Variants in BMP7 observed in about 807,000 individuals in gnomAD.
The protein encoded by BMP7 is bone morphogenetic protein 7.
BMP7 carries 12 observed loss-of-function variants against 41.2 expected under a neutral mutation model. The observed-to-expected ratio is 0.29, with a 90% confidence interval of 0.19 to 0.47. The LOEUF is 0.47. Among genes scored for constraint, BMP7 ranks in the 20% least tolerant of loss-of-function variants. BMP7 has a pLI of 0.99. For missense variants in BMP7, 467 were observed against 606.0 expected (o/e 0.77, Z 2.41); for synonymous variants, 248 against 250.0 (o/e 0.99, Z 0.07).
intron 1 of BMP7, among the ~76,000 whole-genome samples, chr20:57,254,796 C>T (rs1307754973): frequency 2.6e-5 from 4 of 152,090 alleles, no homozygotes; most frequent in African/African-American, 4.8e-5. Flanking sequence ...TACTACAGAC[C>T]GTACACAAAG....
chr20:57,186,219 CA>C (rs1404890450), intron 3 of BMP7, among the ~76,000 whole-genome samples: 1 of 152,130 alleles, frequency 6.6e-6, no homozygotes, highest in African/African-American at 2.4e-5. Flanking sequence ...ACTGAGAGGT[CA>C]GGGGAATGCA....
rs752595818 is a variant in BMP7 at position 57,265,775 on chromosome 20, G to C, written c.348C>G (p.Pro116=). ...GGCTATCTTGCAGGCTGGCCAGAGG[G>C]GGGCCCTGGGTACTGAAGACGGCCT... is the stretch of plus-strand genomic sequence containing the variant. ...PYKAVFSTQG[P]PLASLQDSHF... The change falls in exon 1 of 7, where the codon CCC becomes CCG. Residue 116 remains proline (P), a synonymous_variant. Coordinates refer to ENST00000395863, the MANE Select transcript of BMP7 (RefSeq NM_001719.3). 19 of 1,610,628 alleles carry C rather than the reference G, an allele frequency of 1.2e-5. No homozygotes were observed. In the African/African-American group the frequency reaches 2.3e-4, roughly 19 times the overall value.
At position 57,215,259 on chromosome 20, in the gene BMP7, G is replaced by A. The variant is rs917719708; in HGVS notation, c.612-12636C>T. 1.3e-5 allele frequency among the ~76,000 whole-genome samples: 2 copies of A among 152,162 alleles called. No homozygotes were observed. Among genetic ancestry groups the A allele is most frequent in the African/African-American group, 4.8e-5 (2 of 41,440 alleles). On this transcript the variant is annotated intron_variant, in intron 2 of 6. Transcript: ENST00000395863. This position sits in a 1 kb window ranked among gnomAD's most constrained non-coding sequence, Gnocchi z 4.2. Reference sequence around the variant, plus strand: ...TCAAATTGACCCCTCACTGGAAACTGCCAGGCTGCATGGGCTTCCGGTTGA... The same window carrying A: ...TCAAATTGACCCCTCACTGGAAACTACCAGGCTGCATGGGCTTCCGGTTGA...
intron 1 of BMP7, among the ~76,000 whole-genome samples, chr20:57,230,968 C>A (rs1176725792): frequency 6.6e-6 from 1 of 152,160 alleles, no homozygotes; most frequent in East Asian, 1.9e-4. Context: ...TGAGCCACCA[C>A]GCCTGGCCGT....
At chr20:57,200,609 C>T (rs899026844) in intron 3 of BMP7, among the ~76,000 whole-genome samples, 2 of 152,186 alleles carry the variant, frequency 1.3e-5, no homozygotes, top group African/African-American at 2.4e-5. Context: ...TCCCCAACAT[C>T]TACAAGTCCA....
chr20:57,203,875 G>A (rs1984676389), intron 2 of BMP7, among the ~76,000 whole-genome samples: 2 of 152,284 alleles, frequency 1.3e-5, no homozygotes, highest in East Asian at 3.9e-4. Flanking sequence ...CACACGTAAA[G>A]ATGTCAGGCA....
chr20:57,256,523 CAGA>C (rs1189092218), intron 1 of BMP7, among the ~76,000 whole-genome samples: 3 of 152,172 alleles, frequency 2.0e-5, no homozygotes, highest in African/African-American at 7.2e-5. Context: ...GAAATGTGAG[CAGA>C]AGCTCTTTCA....
In BMP7 at chr20:57,213,140, C is replaced by T. The variant is rs1051988784; in HGVS notation, c.612-10517G>A. 5.9e-5 allele frequency among the ~76,000 whole-genome samples: 9 copies of T among 152,216 alleles called. No homozygotes were observed. The highest frequency in any genetic ancestry group is 2.2e-4 in the African/African-American group (9 of 41,446). On this transcript the variant is annotated intron_variant, in intron 2 of 6. Coordinates refer to ENST00000395863, the MANE Select transcript of BMP7 (RefSeq NM_001719.3). The surrounding 1 kb of genome is among the most constrained non-coding windows in gnomAD (Gnocchi z 4.4). ...CCACCCACGGCCCTCTCACCCACCC[C>T]ACGGCTGTCTGTCTCCCTCTGGGCA...
rs1984992673 is a variant in BMP7, at chr20:57,215,546, A to G, written c.611+12683T>C. ...AGAAACCCAGTGGAACTGAGCCGCG[A>G]GCTGGATTCCAGCTCACAGAACACA... On this transcript the variant is annotated intron_variant, in intron 2 of 6. Transcript: ENST00000395863. The surrounding 1 kb of genome is among the most constrained non-coding windows in gnomAD (Gnocchi z 4.2). The G allele has an allele frequency of 6.6e-6, 1 of 152,238 alleles. No individual in the cohort carries two copies. The highest frequency in any genetic ancestry group is 1.5e-5 in the Non-Finnish European group (1 of 68,064). The allele number at this position is 152,238 out of a possible 1,614,324, so 9.4% of individuals were successfully genotyped here. A position where few individuals can be genotyped will look rare whatever the true frequency, so the allele number is the denominator to read the frequency against.
intron 1 of BMP7, among the ~76,000 whole-genome samples, chr20:57,255,367 T>C (rs1207645012): frequency 6.6e-6 from 1 of 152,230 alleles, no homozygotes; most frequent in Non-Finnish European, 1.5e-5. Flanking sequence ...ATGGCTACTC[T>C]GAATCCATTG....
chr20:57,183,967 C>T (rs1472779103), intron 3 of BMP7, 48 bp from the exon 4 acceptor site: 4 of 1,597,342 alleles, frequency 2.5e-6, no homozygotes, highest in Non-Finnish European at 2.6e-6. Context: ...ACAGGAGGGC[C>T]ACGAGCGGGA....
At chr20:57,190,049 C>T (rs990638949) in intron 3 of BMP7, among the ~76,000 whole-genome samples, 1 of 152,258 alleles carries the variant, frequency 6.6e-6, no homozygotes, top group African/African-American at 2.4e-5. Flanking sequence ...ATGAGAAATA[C>T]ACGGTGTGTG....
chr20:57,190,675 G>C (rs954916863), intron 3 of BMP7, among the ~76,000 whole-genome samples: 7 of 152,034 alleles, frequency 4.6e-5, no homozygotes, highest in African/African-American at 1.7e-4. Context: ...AAGCGCGTCC[G>C]CTCCTGCCCG....
chr20:57,176,184 G>T (rs1983918061), intron 4 of BMP7, among the ~76,000 whole-genome samples: 1 of 152,132 alleles, frequency 6.6e-6, no homozygotes, highest in East Asian at 1.9e-4. Flanking sequence ...TCCTCCTACT[G>T]CCCAGGAGCA....
rs991505234 is a variant in BMP7, at chr20:57,246,651, C to T, written c.419-18230G>A. On this transcript the variant is annotated intron_variant, in intron 1 of 6. Coordinates refer to ENST00000395863, the MANE Select transcript of BMP7 (RefSeq NM_001719.3). Reference sequence around the variant, plus strand: ...TAAAATAGGGGTGATAATAACTGCCCCACCTGAAATGGCTGTCATGAAAAT... The same window carrying T: ...TAAAATAGGGGTGATAATAACTGCCTCACCTGAAATGGCTGTCATGAAAAT... Among the ~76,000 whole-genome samples, 3 of 152,166 alleles carry T rather than the reference C, an allele frequency of 2.0e-5. 1 individual carries two copies. Among genetic ancestry groups the T allele is most frequent in the African/African-American group, 7.2e-5 (3 of 41,430 alleles).
chr20:57,186,253 C>T (rs572359960), intron 3 of BMP7, among the ~76,000 whole-genome samples: 7 of 152,202 alleles, frequency 4.6e-5, no homozygotes, highest in Admixed American at 3.3e-4. Context: ...CAGGAGTACC[C>T]GGTAAGGAAG....
At chr20:57,250,344 T>A (rs1600643754) in intron 1 of BMP7, among the ~76,000 whole-genome samples, 1 of 144,796 alleles carries the variant, frequency 6.9e-6, no homozygotes, top group South Asian at 2.1e-4. Context: ...ATAATATATA[T>A]CTATATTAAA....
chr20:57,173,177 C>A, intron 6 of BMP7, 23 bp downstream of exon 6: 1 of 1,610,110 alleles, frequency 6.2e-7, no homozygotes, highest in Non-Finnish European at 8.5e-7. Context: ...GGTGACCACA[C>A]CCCAAGATGG....
At chr20:57,249,601 A>G (rs1403909462) in intron 1 of BMP7, among the ~76,000 whole-genome samples, 1 of 152,178 alleles carries the variant, frequency 6.6e-6, no homozygotes, top group Non-Finnish European at 1.5e-5. Context: ...AATAAGATAC[A>G]TATAATGTTT....
Sources: gnomAD v4.1 joint callset for allele counts (sites outside exome capture counted in the v4.1 genomes callset) on GRCh38, gnomAD v4.1.1 for gene constraint, Gnocchi (gnomAD v3.1) non-coding constraint, MANE v1.5 for transcripts, NCBI Gene and HGNC (gene_info 2026-07-23, HGNC 2026-07-21) for gene names.